Variants in GNAZ observed in about 807,000 individuals in gnomAD.
The protein encoded by GNAZ is guanine nucleotide-binding protein G(z) subunit alpha.
GNAZ carries 3 observed loss-of-function variants against 25.4 expected under a neutral mutation model. The observed-to-expected ratio is 0.12, with a 90% confidence interval of 0.05 to 0.30. The LOEUF is 0.30. Ranked by LOEUF, GNAZ falls within the 10% of genes least tolerant of loss-of-function variation. The probability of loss-of-function intolerance (pLI) is 1.00; values close to 1 mark genes in which losing one functional copy is unlikely to be tolerated. For synonymous variants in GNAZ, 211 were observed against 205.7 expected, an observed-to-expected ratio of 1.03 and a Z score of -0.22; for missense variants, 241 against 501.8, an observed-to-expected ratio of 0.48 and a Z score of 4.97.
At chr22:23,120,047 G>T (rs1372907045) in intron 2 of GNAZ, among the ~76,000 whole-genome samples, 1 of 152,204 alleles carries the variant, frequency 6.6e-6, no homozygotes, top group African/African-American at 2.4e-5. Context: ...GGAGATGTTT[G>T]TCTGTCCTGA....
At chr22:23,090,930 G>A (rs140316491) in intron 1 of GNAZ, among the ~76,000 whole-genome samples, 11 of 152,288 alleles carry the variant, frequency 7.2e-5, no homozygotes, top group African/African-American at 2.4e-4. Flanking sequence ...TCAAAGCCAT[G>A]GTTTAGCAAG....
rs781124698 is a variant in GNAZ, at chr22:23,095,487, C to T, written c.-209C>T. On this transcript the variant is annotated 5_prime_UTR_variant, in exon 2 of 3. Transcript: ENST00000615612. ...GTGGAGTGTCACTAGTGGGGAGGGG[C>T]GGCCACCGCCCGCTGCACAGAGCGC... 4 of 581,672 alleles carry T rather than the reference C, an allele frequency of 6.9e-6. No individual in the cohort carries two copies. Among genetic ancestry groups the T allele is most frequent in the East Asian group, 2.9e-5 (1 of 34,658 alleles). 36.0% of individuals were successfully genotyped at this position (581,672 alleles called of 1,614,324 possible).
At chr22:23,085,248 T>A (rs1350833251) in intron 1 of GNAZ, among the ~76,000 whole-genome samples, 3 of 152,198 alleles carry the variant, frequency 2.0e-5, no homozygotes, top group Non-Finnish European at 2.9e-5. Flanking sequence ...CTCTTCTCCA[T>A]GGTGCTGAGC....
intron 2 of GNAZ, among the ~76,000 whole-genome samples, chr22:23,107,203 G>A (rs2069508613): frequency 6.6e-6 from 1 of 152,144 alleles, no homozygotes; most frequent in Non-Finnish European, 1.5e-5. Context: ...AGGGGGGAGG[G>A]GGCCACCGGC....
In GNAZ at chr22:23,101,052, A is replaced by G. The variant is rs540573908; in HGVS notation, c.723+4634A>G. Among the ~76,000 whole-genome samples, 3 of 152,344 alleles carry G rather than the reference A, an allele frequency of 2.0e-5. No individual in the cohort carries two copies. The East Asian group carries it at 5.8e-4, about 29-fold the overall frequency. On this transcript the variant is annotated intron_variant, in intron 2 of 2. Transcript: ENST00000615612. ...TTTCCAGTAAGACAGGCTTATACCT[A>G]TTGATGACAGAGCTGGTTATATTTG...
intron 1 of GNAZ, among the ~76,000 whole-genome samples, chr22:23,078,489 A>G (rs79980463): frequency 8.8e-6 from 1 of 113,936 alleles, no homozygotes; most frequent in Non-Finnish European, 1.9e-5. Context: ...TGACACCCCC[A>G]TCTCTGTCGT....
rs865801967 is a variant in GNAZ at position 23,079,396 on chromosome 22, A to G, written c.-450+8826A>G. Among the ~76,000 whole-genome samples, 5 of 152,198 alleles carry G rather than the reference A, an allele frequency of 3.3e-5. No homozygotes were observed. The South Asian group carries it at 1.0e-3, about 32-fold the overall frequency. ...CAGGAGGAAGGAACAGCCAGTGCAC[A>G]GGCCCTGAGTTAAGAGTGAGGGATG... On this transcript the variant is annotated intron_variant, in intron 1 of 2. Coordinates refer to ENST00000615612, the MANE Select transcript of GNAZ (RefSeq NM_002073.4).
chr22:23,118,735 G>T (rs1290367816), intron 2 of GNAZ, among the ~76,000 whole-genome samples: 1 of 152,212 alleles, frequency 6.6e-6, no homozygotes, highest in African/African-American at 2.4e-5. Context: ...GGACAAGGGG[G>T]TGATGCACTA....
chr22:23,092,064 C>T (rs2068996139), intron 1 of GNAZ, among the ~76,000 whole-genome samples: 1 of 152,178 alleles, frequency 6.6e-6, no homozygotes, highest in African/African-American at 2.4e-5. Context: ...GGTGGGGGGT[C>T]CTGGGTGTTG....
chr22:23,096,112 C>T lies in GNAZ; in HGVS notation c.417C>T (p.Ala139=). The stretch of plus-strand genomic sequence containing the variant: ...TCTGGGCCGACCCAGGGGCACAGGC[C>T]TGCTTCAGCCGCTCCAGCGAGTACC... ...RRLWADPGAQ[A]CFSRSSEYHL... is the part of the protein sequence containing the mutation. Residue 139 remains alanine (A), a synonymous_variant, in exon 2 of 3, where the codon GCC becomes GCT. Coordinates refer to ENST00000615612, the MANE Select transcript of GNAZ (RefSeq NM_002073.4). The T allele has an allele frequency of 6.2e-7, 1 of 1,611,430 alleles. No individual in the cohort carries two copies. Among genetic ancestry groups the T allele is most frequent in the Non-Finnish European group, 8.5e-7 (1 of 1,180,010 alleles).
At chr22:23,118,492 G>A (rs2069916500) in intron 2 of GNAZ, among the ~76,000 whole-genome samples, 1 of 141,554 alleles carries the variant, frequency 7.1e-6, no homozygotes, top group South Asian at 2.3e-4. Flanking sequence ...ACCCCCCGCG[G>A]CTGCCTTGGC....
At chr22:23,077,470 G>A (rs1041749788) in intron 1 of GNAZ, among the ~76,000 whole-genome samples, 43 of 152,322 alleles carry the variant, frequency 2.8e-4, no homozygotes, top group African/African-American at 1.0e-3. Flanking sequence ...CCTCTTGGAT[G>A]TACACCTGAT....
At chr22:23,079,549 A>G (rs920471056) in intron 1 of GNAZ, among the ~76,000 whole-genome samples, 35 of 152,296 alleles carry the variant, frequency 2.3e-4, no homozygotes, top group African/African-American at 7.2e-4. Context: ...GGGTCTGCCC[A>G]TGTCAAGCAA....
chr22:23,104,500 G>C (rs770770455), intron 2 of GNAZ, among the ~76,000 whole-genome samples: 9 of 152,202 alleles, frequency 5.9e-5, no homozygotes, highest in Non-Finnish European at 1.3e-4. Context: ...CCAGGCCAGT[G>C]GGTAATTAAT....
At chr22:23,099,817 A>G (rs1826840157) in intron 2 of GNAZ, among the ~76,000 whole-genome samples, 1 of 152,264 alleles carries the variant, frequency 6.6e-6, no homozygotes. Flanking sequence ...ACTGAGGGAC[A>G]GACACAGGTG....
chr22:23,083,668 A>G (rs920220596), intron 1 of GNAZ, among the ~76,000 whole-genome samples: 1 of 152,116 alleles, frequency 6.6e-6, no homozygotes, highest in South Asian at 2.1e-4. Flanking sequence ...AGGAGGGGAT[A>G]TGGGCCAGAT....
chr22:23,113,090 C>T (rs551729113), intron 2 of GNAZ, among the ~76,000 whole-genome samples: 1 of 152,254 alleles, frequency 6.6e-6, no homozygotes, highest in East Asian at 1.9e-4. Context: ...GCACCCTGCC[C>T]CTGCGGCTGA....
intron 1 of GNAZ, among the ~76,000 whole-genome samples, chr22:23,091,341 C>T (rs755823375): frequency 4.6e-5 from 7 of 152,158 alleles, no homozygotes; most frequent in Non-Finnish European, 1.0e-4. Context: ...GACCTGCATA[C>T]ACATAGGCAC....
chr22:23,121,235 C>T (rs1386374223), intron 2 of GNAZ, among the ~76,000 whole-genome samples: 1 of 152,234 alleles, frequency 6.6e-6, no homozygotes, highest in Admixed American at 6.5e-5. Flanking sequence ...TATTCCGAAG[C>T]TCATTCTAAA....
Sources: gnomAD v4.1 joint callset for allele counts (sites outside exome capture counted in the v4.1 genomes callset) on GRCh38, gnomAD v4.1.1 for gene constraint, MANE v1.5 for transcripts, NCBI Gene and HGNC (gene_info 2026-07-23, HGNC 2026-07-21) for gene names.